The following ASCC1 variants were observed in gnomAD, a reference collection of about 807,000 sequenced individuals.
ASCC1 encodes the protein activating signal cointegrator 1 complex subunit 1.
Under a neutral mutation model 46.6 loss-of-function variants are expected in ASCC1, and 35 were observed. That is an observed-to-expected ratio of 0.75 (90% CI 0.57 to 0.99). The LOEUF (loss-of-function observed/expected upper bound fraction) is 0.99. Among genes scored for constraint, ASCC1 ranks in the 50% least tolerant of loss-of-function variants. ASCC1 has a pLI of 0.00. For synonymous variants in ASCC1, 143 were observed against 146.6 expected (o/e 0.98, Z 0.18); for missense variants, 376 against 428.7 (o/e 0.88, Z 1.09).
At chr10:72,200,234 CAT>C (rs1265785400) in intron 4 of ASCC1, among the ~76,000 whole-genome samples, 2 of 152,032 alleles carry the variant, frequency 1.3e-5, no homozygotes, top group Non-Finnish European at 2.9e-5. Flanking sequence ...AAATGGGGAA[CAT>C]ATAACAAGTG....
intron 5 of ASCC1, among the ~76,000 whole-genome samples, chr10:72,169,808 A>AGGGGGTTGG (rs1274616594): frequency 3.3e-5 from 5 of 152,170 alleles, no homozygotes; most frequent in South Asian, 4.1e-4. Flanking sequence ...TCCACACTAG[A>AGGGGGTTGG]GGGGGTTAAG....
chr10:72,106,540 T>G lies in ASCC1; in HGVS notation c.958-9090A>C, dbSNP rs190763980. 5.3e-5 allele frequency among the ~76,000 whole-genome samples: 8 copies of G among 151,084 alleles called. No individual in the cohort carries two copies. In the East Asian group the frequency reaches 1.5e-3, roughly 29 times the overall value. On this transcript the variant is annotated intron_variant, in intron 9 of 9. Transcript: ENST00000672957. ...CAATTATCCCGTTTATAGATAAAAG[T>G]AGTAACACTATTTTGTACTTAATAA...
At chr10:72,199,582 C>T (rs1856190339) in intron 4 of ASCC1, among the ~76,000 whole-genome samples, 1 of 152,084 alleles carries the variant, frequency 6.6e-6, no homozygotes, top group African/African-American at 2.4e-5. Context: ...AGGCGTGAGC[C>T]ACTGGGCCTG....
intron 6 of ASCC1, among the ~76,000 whole-genome samples, chr10:72,160,049 T>C (rs983556821): frequency 1.3e-5 from 2 of 151,848 alleles, no homozygotes; most frequent in South Asian, 2.1e-4. Flanking sequence ...GGACTACAGG[T>C]GCCTGCCACC....
At chr10:72,126,359 A>G (rs185403283) in intron 9 of ASCC1, among the ~76,000 whole-genome samples, 3 of 152,342 alleles carry the variant, frequency 2.0e-5, no homozygotes, top group African/African-American at 7.2e-5. Context: ...TATTACTGAT[A>G]TAGCAAGTCC....
rs577532993 is a variant in ASCC1, at chr10:72,171,020, T to C, written c.490-9346A>G. ...TGAAATATTTAGGGTTAAAGGGCTA[T>C]GACATGTGCAACTCACTCTAAAGCA... On this transcript the variant is annotated intron_variant, in intron 5 of 9. Transcript: ENST00000672957. 4.9e-4 allele frequency among the ~76,000 whole-genome samples: 74 copies of C among 152,250 alleles called. 1 individual carries two copies. The South Asian group carries it at 0.015, about 31-fold the overall frequency.
intron 9 of ASCC1, among the ~76,000 whole-genome samples, chr10:72,116,680 T>C (rs1843528642): frequency 6.6e-6 from 1 of 152,252 alleles, no homozygotes; most frequent in Non-Finnish European, 1.5e-5. Flanking sequence ...GCTAAACCCA[T>C]ACACTGAGCT....
At chr10:72,206,476 G>C (rs1173516948) in intron 3 of ASCC1, among the ~76,000 whole-genome samples, 2 of 152,170 alleles carry the variant, frequency 1.3e-5, no homozygotes, top group Non-Finnish European at 2.9e-5. Flanking sequence ...GTTGTCGTAA[G>C]GATTAAATGT....
At chr10:72,170,358 A>G (rs1016879820) in intron 5 of ASCC1, among the ~76,000 whole-genome samples, 2 of 152,312 alleles carry the variant, frequency 1.3e-5, no homozygotes, top group Non-Finnish European at 2.9e-5. Flanking sequence ...ATTATCACCT[A>G]TGCAATGCTC....
chr10:72,122,206 A>G (rs111590811), intron 9 of ASCC1, among the ~76,000 whole-genome samples: 24,074 of 152,112 alleles, frequency 0.16, 6,031 homozygotes, highest in African/African-American at 0.53. Flanking sequence ...GGATCACAAC[A>G]TCAGGAGTTC....
At chr10:72,168,029 A>C (rs984611351) in intron 5 of ASCC1, among the ~76,000 whole-genome samples, 10 of 152,100 alleles carry the variant, frequency 6.6e-5, no homozygotes, top group South Asian at 6.2e-4. Flanking sequence ...TCTCTACTAA[A>C]AATACAAAAA....
chr10:72,172,625 C>A (rs911492703), intron 5 of ASCC1, among the ~76,000 whole-genome samples: 1 of 145,808 alleles, frequency 6.9e-6, no homozygotes, highest in Admixed American at 7.1e-5. Flanking sequence ...GGATTACAGG[C>A]ATGAGCCACT....
At chr10:72,214,008 A>T (rs1007291423) in intron 1 of ASCC1, among the ~76,000 whole-genome samples, 10 of 151,908 alleles carry the variant, frequency 6.6e-5, no homozygotes, top group Non-Finnish European at 1.3e-4. Context: ...ACTGCACTCC[A>T]GCCTGGGCAA....
At chr10:72,123,030 G>C (rs377633575) in intron 9 of ASCC1, among the ~76,000 whole-genome samples, 5 of 152,202 alleles carry the variant, frequency 3.3e-5, no homozygotes, top group African/African-American at 1.2e-4. Flanking sequence ...CAGAATGAAA[G>C]AAATAATTTA....
At chr10:72,197,898 C>T (rs972122610) in intron 4 of ASCC1, among the ~76,000 whole-genome samples, 2 of 137,584 alleles carry the variant, frequency 1.5e-5, no homozygotes, top group East Asian at 4.1e-4. Context: ...AGAGCTAGAC[C>T]CTGTCTCAAA....
At chr10:72,206,060 T>C (rs1299732145) in intron 3 of ASCC1, among the ~76,000 whole-genome samples, 1 of 145,760 alleles carries the variant, frequency 6.9e-6, no homozygotes, top group African/African-American at 2.6e-5. Context: ...GCTGAGATTG[T>C]GCCATTCCAC....
rs189248744 is a variant in ASCC1, at chr10:72,138,918, T to G, written c.747-5737A>C. Among the ~76,000 whole-genome samples, 384 of 152,250 alleles carry G rather than the reference T, an allele frequency of 2.5e-3. 3 individuals are homozygous for G. The highest frequency in any genetic ancestry group is 8.3e-3 in the African/African-American group (343 of 41,554). On this transcript the variant is annotated intron_variant, in intron 7 of 9. Coordinates refer to ENST00000672957, the MANE Select transcript of ASCC1 (RefSeq NM_001198800.3). ...CCACGAAGACTGGCTATTTGTCTTA[T>G]TCACTGTTTTATCTCTGCACCTAAA...
intron 9 of ASCC1, among the ~76,000 whole-genome samples, chr10:72,103,208 C>T (rs1055081933): frequency 6.6e-6 from 1 of 151,524 alleles, no homozygotes; most frequent in Non-Finnish European, 1.5e-5. Flanking sequence ...TCTCAGCTCA[C>T]TGCAAGCTCC....
intron 5 of ASCC1, among the ~76,000 whole-genome samples, chr10:72,172,637 C>T (rs1176327565): frequency 6.9e-6 from 1 of 145,672 alleles, no homozygotes; most frequent in Non-Finnish European, 1.5e-5. Context: ...TGAGCCACTG[C>T]ACCCAGCCCA....
Sources: allele counts gnomAD v4.1 joint callset (sites outside exome capture counted in the v4.1 genomes callset), GRCh38; gene constraint gnomAD v4.1.1; transcripts MANE v1.5; gene names NCBI Gene and HGNC (gene_info 2026-07-23, HGNC 2026-07-21).